SORCS3: variants seen among roughly 807,000 people sequenced by gnomAD.
SORCS3 encodes the protein sortilin related VPS10 domain containing receptor 3.
A neutral mutation model predicts 146.3 loss-of-function variants in SORCS3; 57 were observed. The ratio of observed to expected loss-of-function variants is 0.39; its 90% CI spans 0.31 to 0.49. The LOEUF is 0.49. SORCS3 is among the 20% of genes least tolerant of loss of function. The pLI, the probability that SORCS3 is intolerant of heterozygous loss-of-function variation, is 0.92. For missense variants in SORCS3, 1,341 were observed against 1,575.5 expected (o/e 0.85, Z 2.52); for synonymous variants, 653 against 618.5 (o/e 1.06, Z -0.83).
At chr10:105,078,762 G>T (rs2055605227) in intron 5 of SORCS3, among the ~76,000 whole-genome samples, 1 of 152,046 alleles carries the variant, frequency 6.6e-6, no homozygotes, top group African/African-American at 2.4e-5. Flanking sequence ...AATGACAAGG[G>T]TGCCATTATT....
intron 1 of SORCS3, among the ~76,000 whole-genome samples, chr10:104,779,855 G>A (rs1564681701): frequency 6.6e-6 from 1 of 152,156 alleles, no homozygotes; most frequent in African/African-American, 2.4e-5. Context: ...CACCCCGCGC[G>A]CTCCGCCATG....
chr10:105,100,737 A>G (rs993134380), intron 6 of SORCS3, among the ~76,000 whole-genome samples: 2 of 152,260 alleles, frequency 1.3e-5, no homozygotes, highest in Non-Finnish European at 2.9e-5. Flanking sequence ...ACAACAAAAT[A>G]GGACATTTAT....
chr10:105,043,797 C>A (rs1203655765), intron 5 of SORCS3, among the ~76,000 whole-genome samples: 1 of 152,024 alleles, frequency 6.6e-6, no homozygotes, highest in Non-Finnish European at 1.5e-5. Context: ...TTTGAAAAAC[C>A]TTTTATGGGA....
intron 1 of SORCS3, among the ~76,000 whole-genome samples, chr10:104,705,534 T>C (rs2016327112): frequency 6.6e-6 from 1 of 152,260 alleles, no homozygotes; most frequent in Non-Finnish European, 1.5e-5. Flanking sequence ...TCTGTTGATT[T>C]ACATATTACT....
chr10:104,914,406 C>G (rs993528489), intron 2 of SORCS3, among the ~76,000 whole-genome samples: 2 of 152,050 alleles, frequency 1.3e-5, no homozygotes, highest in Non-Finnish European at 2.9e-5. Context: ...GCTAGAGAAG[C>G]TTTTACAGAG....
chr10:104,806,067 T>A (rs2017676998), intron 1 of SORCS3, among the ~76,000 whole-genome samples: 1 of 152,172 alleles, frequency 6.6e-6, no homozygotes, highest in Non-Finnish European at 1.5e-5. Flanking sequence ...GGCCACTTTT[T>A]TACTTTCTGT....
intron 14 of SORCS3, among the ~76,000 whole-genome samples, chr10:105,191,096 T>C (rs557220801): frequency 4.6e-5 from 7 of 152,276 alleles, no homozygotes; most frequent in African/African-American, 1.7e-4. Flanking sequence ...ACTCAGACAA[T>C]AAATATGTGA....
intron 1 of SORCS3, among the ~76,000 whole-genome samples, chr10:104,702,431 C>A (rs897777725): frequency 2.6e-5 from 4 of 152,126 alleles, no homozygotes; most frequent in Non-Finnish European, 5.9e-5. Context: ...ATACAGGTAC[C>A]TGCCCACCAC....
intron 1 of SORCS3, among the ~76,000 whole-genome samples, chr10:104,728,025 A>T (rs112813021): frequency 3.5e-4 from 9 of 26,066 alleles, no homozygotes; most frequent in African/African-American, 9.7e-4. Context: ...TAACAGTTCT[A>T]TCTATCTATC....
chr10:105,157,078 C>A, intron 9 of SORCS3, 60 bp from the exon 10 acceptor site: 1 of 1,594,526 alleles, frequency 6.3e-7, no homozygotes, highest in South Asian at 1.1e-5. Flanking sequence ...CTAAGGGCTT[C>A]TCCAAGACCA....
chr10:104,642,770 G>T (rs2015441782), intron 1 of SORCS3, among the ~76,000 whole-genome samples: 1 of 152,214 alleles, frequency 6.6e-6, no homozygotes, highest in Non-Finnish European at 1.5e-5. Context: ...GCGGAGTTGG[G>T]TGCCTGAGCT....
chr10:104,747,390 C>T lies in SORCS3; in HGVS notation c.628-95402C>T, dbSNP rs374731157. On this transcript the variant is annotated intron_variant, in intron 1 of 26. Transcript: ENST00000369701. ...TGAACAACATGGGTAGAATGAGGGT[C>T]TATCCATGTTGAGAATGCTTCTCAG... 1.2e-4 allele frequency among the ~76,000 whole-genome samples: 18 copies of T among 152,250 alleles called. 1 individual carries two copies. The South Asian group carries it at 1.9e-3, about 16-fold the overall frequency.
intron 18 of SORCS3, among the ~76,000 whole-genome samples, chr10:105,216,678 T>C (rs2119654563): frequency 6.6e-6 from 1 of 152,224 alleles, no homozygotes; most frequent in South Asian, 2.1e-4. Context: ...TTACAGAGGG[T>C]CTACCTTGCC....
intron 5 of SORCS3, among the ~76,000 whole-genome samples, chr10:105,082,807 T>G (rs2055634129): frequency 6.6e-6 from 1 of 152,218 alleles, no homozygotes; most frequent in Non-Finnish European, 1.5e-5. Flanking sequence ...CTTGGCTCAC[T>G]GCAACCCCTG....
chr10:104,807,728 T>C (rs1046687902), intron 1 of SORCS3, among the ~76,000 whole-genome samples: 1 of 152,210 alleles, frequency 6.6e-6, no homozygotes, highest in Non-Finnish European at 1.5e-5. Flanking sequence ...AAAGCTAAAA[T>C]CATTCTGTGG....
At chr10:105,079,162 C>T (rs1369666362) in intron 5 of SORCS3, among the ~76,000 whole-genome samples, 1 of 152,194 alleles carries the variant, frequency 6.6e-6, no homozygotes, top group Non-Finnish European at 1.5e-5. Flanking sequence ...GGGTGGAGCC[C>T]AGCATCGGTG....
At chr10:104,903,161 A>G (rs552550271) in intron 2 of SORCS3, among the ~76,000 whole-genome samples, 1 of 152,322 alleles carries the variant, frequency 6.6e-6, no homozygotes, top group Non-Finnish European at 1.5e-5. Context: ...CCTCATTTTT[A>G]TGACAGAGAT....
chr10:105,229,021 A>G (rs2056751806), intron 20 of SORCS3, among the ~76,000 whole-genome samples: 1 of 152,166 alleles, frequency 6.6e-6, no homozygotes, highest in Admixed American at 6.5e-5. Flanking sequence ...TCCATATAGC[A>G]CATAAGCTTT....
At chr10:104,893,375 C>T (rs908093931) in intron 2 of SORCS3, among the ~76,000 whole-genome samples, 6 of 152,322 alleles carry the variant, frequency 3.9e-5, no homozygotes, top group African/African-American at 1.4e-4. Flanking sequence ...AGCATAACCT[C>T]ATTCTGAGTA....
Sources: allele counts gnomAD v4.1 joint callset (sites outside exome capture counted in the v4.1 genomes callset), GRCh38; gene constraint gnomAD v4.1.1; transcripts MANE v1.5; gene names NCBI Gene and HGNC (gene_info 2026-07-23, HGNC 2026-07-21).